Variants in SND1 observed in about 807,000 individuals in gnomAD.
The protein encoded by SND1 is staphylococcal nuclease and tudor domain containing 1.
A neutral mutation model predicts 121.7 loss-of-function variants in SND1; 38 were observed. That is an observed-to-expected ratio of 0.31 (90% CI 0.24 to 0.41). The LOEUF (loss-of-function observed/expected upper bound fraction) is 0.41, where lower values mean the gene tolerates loss of function less well. Among genes scored for constraint, SND1 ranks in the 10% least tolerant of loss-of-function variants. The pLI is 1.00. For synonymous variants in SND1, 401 were observed against 447.4 expected (o/e 0.90, Z 1.31); for missense variants, 868 against 1,184.6 (o/e 0.73, Z 3.92).
intron 15 of SND1, among the ~76,000 whole-genome samples, chr7:127,980,937 G>T (rs1372652873): frequency 6.6e-6 from 1 of 152,162 alleles, no homozygotes; most frequent in Non-Finnish European, 1.5e-5. Flanking sequence ...ACCAAGAATA[G>T]GAACCTTTGG....
intron 10 of SND1, among the ~76,000 whole-genome samples, chr7:127,793,839 A>G (rs1202605688): frequency 6.6e-6 from 1 of 152,066 alleles, no homozygotes; most frequent in Non-Finnish European, 1.5e-5. Context: ...GTGCACTGTG[A>G]CTTGCCTGCC....
chr7:127,869,119 A>G (rs1420960564), intron 12 of SND1, among the ~76,000 whole-genome samples: 1 of 152,196 alleles, frequency 6.6e-6, no homozygotes, highest in Non-Finnish European at 1.5e-5. Flanking sequence ...ATTTTTTAGT[A>G]GGGAAGCCAG....
intron 1 of SND1, among the ~76,000 whole-genome samples, chr7:127,658,705 A>G (rs770817096): frequency 6.6e-6 from 1 of 152,240 alleles, no homozygotes; most frequent in Non-Finnish European, 1.5e-5. Flanking sequence ...CCTGTGGCTC[A>G]TTAACATGAG....
At chr7:127,923,929 T>A (rs1446218924) in intron 14 of SND1, among the ~76,000 whole-genome samples, 3 of 152,134 alleles carry the variant, frequency 2.0e-5, no homozygotes, top group Admixed American at 1.3e-4. Flanking sequence ...ACAAGGATTT[T>A]GCTGCTTTAG....
At chr7:127,881,554 T>C (rs987616380) in intron 12 of SND1, among the ~76,000 whole-genome samples, 1 of 152,132 alleles carries the variant, frequency 6.6e-6, no homozygotes, top group South Asian at 2.1e-4. Flanking sequence ...AGAGTATATA[T>C]GTATATGGGG....
chr7:127,870,299 G>A (rs1490996895), intron 12 of SND1, among the ~76,000 whole-genome samples: 1 of 152,114 alleles, frequency 6.6e-6, no homozygotes, highest in Non-Finnish European at 1.5e-5. Context: ...ACAGCTCATA[G>A]TGGTTTTATT....
intron 15 of SND1, among the ~76,000 whole-genome samples, chr7:127,950,964 G>T (rs780197116): frequency 1.1e-4 from 16 of 152,224 alleles, no homozygotes; most frequent in East Asian, 7.7e-4. Context: ...TGCACTGTTT[G>T]TGAGATTGTA....
At chr7:127,826,072 T>A (rs1032054143) in intron 11 of SND1, among the ~76,000 whole-genome samples, 4 of 152,042 alleles carry the variant, frequency 2.6e-5, no homozygotes, top group African/African-American at 4.8e-5. Context: ...GTGCCCATAA[T>A]CCCAGCTACT....
At chr7:128,074,726 TC>T (rs1343459123) in intron 17 of SND1, 36 bp downstream of exon 17, 1 of 1,557,230 alleles carries the variant, frequency 6.4e-7, no homozygotes, top group Non-Finnish European at 8.7e-7. Flanking sequence ...CTCCCTGCCC[TC>T]CCGTCCTCCT....
rs1316037467 is a variant in SND1 at position 127,701,271 on chromosome 7, C to T, written c.537C>T (p.Thr179=). The T allele has an allele frequency of 1.2e-6, 2 of 1,613,864 alleles. No individual in the cohort carries two copies. Among genetic ancestry groups the T allele is most frequent in the Non-Finnish European group, 8.5e-7 (1 of 1,179,948 alleles). Residue 179 remains threonine (T), a synonymous_variant, in exon 5 of 24, where the codon ACC becomes ACT. Coordinates refer to ENST00000354725, the MANE Select transcript of SND1 (RefSeq NM_014390.4). ...GSHTIRDLKY[T]IENPRHFVDS... ...ATACTATCCGGGATCTCAAGTATACCATTGAAAACCCAAGGCACTTTGTGG... is the reference window on the plus strand; with the variant it reads ...ATACTATCCGGGATCTCAAGTATACTATTGAAAACCCAAGGCACTTTGTGG...
intron 12 of SND1, among the ~76,000 whole-genome samples, chr7:127,872,816 T>A (rs1323718678): frequency 6.6e-6 from 1 of 152,226 alleles, no homozygotes; most frequent in Non-Finnish European, 1.5e-5. Flanking sequence ...AGAAGTTTAC[T>A]GTCTGCGATC....
At chr7:127,861,132 G>T (rs1799370719) in intron 12 of SND1, among the ~76,000 whole-genome samples, 2 of 152,124 alleles carry the variant, frequency 1.3e-5, no homozygotes, top group Admixed American at 6.5e-5. Flanking sequence ...CTTTTATTCA[G>T]CCAGTAAACA....
At chr7:127,708,602 C>T (rs561306645) in intron 9 of SND1, among the ~76,000 whole-genome samples, 11 of 152,150 alleles carry the variant, frequency 7.2e-5, no homozygotes, top group South Asian at 6.2e-4. Context: ...CCCGCCCCAC[C>T]GCCCCGAGAG....
chr7:127,717,083 C>T (rs1433687911), intron 9 of SND1, among the ~76,000 whole-genome samples: 1 of 152,138 alleles, frequency 6.6e-6, no homozygotes, highest in Admixed American at 6.5e-5. Flanking sequence ...TTTTTTAGGT[C>T]ACTCTTTAGA....
chr7:127,908,847 C>G lies in SND1; in HGVS notation c.1527+4028C>G, dbSNP rs1027953326. Among the ~76,000 whole-genome samples the G allele has an allele frequency of 4.6e-5, 7 of 152,280 alleles. No individual in the cohort carries two copies. In the East Asian group the frequency reaches 7.7e-4, roughly 17 times the overall value. ...GCTGTAGCCTGCTCCGTAATAAATA[C>G]AATCTCCTGCAGATACAGAGTGTAA... On this transcript the variant is annotated intron_variant, in intron 14 of 23. Coordinates refer to ENST00000354725, the MANE Select transcript of SND1 (RefSeq NM_014390.4).
At chr7:127,983,217 C>G (rs572038518) in intron 15 of SND1, among the ~76,000 whole-genome samples, 11 of 152,128 alleles carry the variant, frequency 7.2e-5, no homozygotes, top group African/African-American at 1.7e-4. Flanking sequence ...CTAATTGAGT[C>G]TAGGGGTAAA....
chr7:128,089,454 T>C, intron 21 of SND1, 35 bp from the exon 22 acceptor site: 1 of 1,576,140 alleles, frequency 6.3e-7, no homozygotes, highest in South Asian at 1.2e-5. Context: ...GGTTGTTCTC[T>C]GGCTTGCTCT....
At chr7:127,785,273 G>C (rs1429856411) in intron 10 of SND1, among the ~76,000 whole-genome samples, 1 of 152,192 alleles carries the variant, frequency 6.6e-6, no homozygotes, top group African/African-American at 2.4e-5. Context: ...TTAATTGGAA[G>C]ATGAACAGCA....
chr7:127,939,273 G>A lies in SND1; in HGVS notation c.1669+9944G>A, dbSNP rs556200179. Among the ~76,000 whole-genome samples the A allele has an allele frequency of 1.0e-3, 154 of 152,278 alleles. 1 individual carries two copies. The highest frequency in any genetic ancestry group is 3.4e-3 in the African/African-American group (142 of 41,564). On this transcript the variant is annotated intron_variant, in intron 15 of 23. Transcript: ENST00000354725. ...GGAAACTGCAGGTGGTCAGATCAGAGGAGGATGAACAAAGATGCTAAGAGC... is the reference window on the plus strand; with the variant it reads ...GGAAACTGCAGGTGGTCAGATCAGAAGAGGATGAACAAAGATGCTAAGAGC...
Sources: allele counts gnomAD v4.1 joint callset (sites outside exome capture counted in the v4.1 genomes callset), GRCh38; gene constraint gnomAD v4.1.1; transcripts MANE v1.5; gene names NCBI Gene and HGNC (gene_info 2026-07-23, HGNC 2026-07-21).